The following SLC8A1 variants were observed in gnomAD, a reference collection of about 807,000 sequenced individuals.
SLC8A1 encodes the protein sodium/calcium exchanger 1.
A neutral mutation model predicts 68.3 loss-of-function variants in SLC8A1; 18 were observed. That is an observed-to-expected ratio of 0.26 (90% confidence interval 0.18 to 0.39). The LOEUF (loss-of-function observed/expected upper bound fraction) is 0.39, where lower values mean the gene tolerates loss of function less well. SLC8A1 is among the 10% of genes least tolerant of loss of function. SLC8A1 has a pLI of 1.00. For missense variants in SLC8A1, 985 were observed against 1,156.7 expected, an observed-to-expected ratio of 0.85 and a Z score of 2.15; for synonymous variants, 475 against 415.5, an observed-to-expected ratio of 1.14 and a Z score of -1.74.
intron 1 of SLC8A1, among the ~76,000 whole-genome samples, chr2:40,435,525 G>T (rs1016862498): frequency 6.6e-6 from 1 of 152,108 alleles, no homozygotes; most frequent in Non-Finnish European, 1.5e-5. Context: ...AAGGGGATGG[G>T]CTATGAGCGG....
chr2:40,455,032 C>CCGGAATTAAA (rs1702918219), upstream of SLC8A1, among the ~76,000 whole-genome samples: 1 of 152,198 alleles, frequency 6.6e-6, no homozygotes, highest in African/African-American at 2.4e-5. Flanking sequence ...AATTAAGAGT[C>CCGGAATTAAA]ACCGGGTCTC....
intron 1 of SLC8A1, among the ~76,000 whole-genome samples, chr2:40,498,308 G>T (rs1451621184): frequency 6.6e-6 from 1 of 152,038 alleles, no homozygotes; most frequent in African/African-American, 2.4e-5. Context: ...GTACCTGGCT[G>T]CTCCAAATTT....
intron 1 of SLC8A1, among the ~76,000 whole-genome samples, chr2:40,440,941 A>C (rs1459715678): frequency 6.6e-6 from 1 of 152,134 alleles, no homozygotes; most frequent in Non-Finnish European, 1.5e-5. Flanking sequence ...CATTCAGGCA[A>C]GAGAAAGAAA....
intron 1 of SLC8A1, among the ~76,000 whole-genome samples, chr2:40,472,892 T>A (rs926305876): frequency 6.6e-6 from 1 of 152,178 alleles, no homozygotes; most frequent in Admixed American, 6.5e-5. Flanking sequence ...CTGACTGTTA[T>A]TGTGGAGCTC....
At chr2:40,442,097 C>T (rs900724178) in intron 1 of SLC8A1, among the ~76,000 whole-genome samples, 5 of 148,016 alleles carry the variant, frequency 3.4e-5, no homozygotes, top group African/African-American at 1.2e-4. Flanking sequence ...ATACCTAATG[C>T]TAAATGACGA....
chr2:40,415,127 G>A (rs1693417059), intron 2 of SLC8A1, among the ~76,000 whole-genome samples: 1 of 152,168 alleles, frequency 6.6e-6, no homozygotes, highest in Non-Finnish European at 1.5e-5. Context: ...TAGTATAGTA[G>A]AAGTGCACCA....
At chr2:40,178,154 A>T (rs441196) in intron 2 of SLC8A1, among the ~76,000 whole-genome samples, 18,719 of 152,190 alleles carry the variant, frequency 0.12, 1,256 homozygotes, top group Middle Eastern at 0.2. Flanking sequence ...CCAGAAATGG[A>T]TGCTTGATTG....
chr2:40,416,053 T>TA (rs1488278491), intron 2 of SLC8A1, among the ~76,000 whole-genome samples: 3 of 114,006 alleles, frequency 2.6e-5, no homozygotes, highest in East Asian at 2.3e-4. Context: ...AGGCTCTGTT[T>TA]TAAAAAAAAA....
rs192706746 is a variant in SLC8A1 at position 40,407,475 on chromosome 2, G to A, written c.1808+20998C>T. Among the ~76,000 whole-genome samples, 3 of 152,166 alleles carry A rather than the reference G, an allele frequency of 2.0e-5. No individual in the cohort carries two copies. In the East Asian group the frequency reaches 5.8e-4, roughly 29 times the overall value. On this transcript the variant is annotated intron_variant, in intron 2 of 7. Coordinates refer to ENST00000406785, the Ensembl canonical transcript of SLC8A1. The stretch of plus-strand genomic sequence containing the variant: ...AACGTCAGTGGTTTCTTTTTTATTG[G>A]TAGTTTTCTGTCTTCCTGCCTTTTG...
chr2:40,154,309 T>G lies in SLC8A1; in HGVS notation c.2161+6456A>C, dbSNP rs1346067165. On this transcript the variant is annotated intron_variant, in intron 6 of 7. Coordinates refer to ENST00000406785, the Ensembl canonical transcript of SLC8A1. ...TTATTTTTATTTATTCTTTTTTTTT[T>G]TTTTTTTTTTTTGAGACGGAGTCTT... is the stretch of plus-strand genomic sequence containing the variant. Among the ~76,000 whole-genome samples, 4 of 126,794 alleles carry G rather than the reference T, an allele frequency of 3.2e-5. No individual in the cohort carries two copies. In the East Asian group the frequency reaches 8.6e-4, roughly 27 times the overall value. 83.2% of individuals were successfully genotyped at this position (126,794 alleles called of 152,430 possible).
intron 2 of SLC8A1, among the ~76,000 whole-genome samples, chr2:40,252,952 T>TAC (rs2063087878): frequency 8.5e-6 from 1 of 117,560 alleles, no homozygotes; most frequent in Non-Finnish European, 1.8e-5. Flanking sequence ...CATATATACA[T>TAC]ATGTGTGTAT....
intron 6 of SLC8A1, among the ~76,000 whole-genome samples, chr2:40,156,982 C>T (rs1373587501): frequency 6.6e-6 from 1 of 152,194 alleles, no homozygotes; most frequent in South Asian, 2.1e-4. Flanking sequence ...GGTACTGCCC[C>T]TTAACAGTTT....
chr2:40,358,347 A>C (rs1449258871), intron 2 of SLC8A1, among the ~76,000 whole-genome samples: 2 of 152,146 alleles, frequency 1.3e-5, no homozygotes, highest in African/African-American at 4.8e-5. Context: ...TTGTAGAAAC[A>C]TCTGCAGCCC....
At chr2:40,362,545 AATCATTAATAATAC>A (rs1412352113) in intron 2 of SLC8A1, among the ~76,000 whole-genome samples, 1 of 152,172 alleles carries the variant, frequency 6.6e-6, no homozygotes, top group Non-Finnish European at 1.5e-5. Flanking sequence ...CTTACCATTT[AATCATTAATAATAC>A]ACTATGTTAA....
chr2:40,389,974 C>T (rs1684775690), intron 2 of SLC8A1, among the ~76,000 whole-genome samples: 1 of 151,688 alleles, frequency 6.6e-6, no homozygotes, highest in Non-Finnish European at 1.5e-5. Context: ...TGGTATTCTA[C>T]CAACTAACAT....
intron 1 of SLC8A1, among the ~76,000 whole-genome samples, chr2:40,492,321 G>A (rs373933538): frequency 6.6e-6 from 1 of 151,896 alleles, no homozygotes; most frequent in African/African-American, 2.4e-5. Flanking sequence ...ATCCCTTCCT[G>A]ACACCTTATA....
chr2:40,204,805 A>G (rs2055075332), intron 2 of SLC8A1, among the ~76,000 whole-genome samples: 1 of 152,006 alleles, frequency 6.6e-6, no homozygotes, highest in South Asian at 2.1e-4. Flanking sequence ...TAAGATTTTT[A>G]TATTCTTTTT....
At chr2:40,316,735 C>G (rs2074500122) in intron 2 of SLC8A1, among the ~76,000 whole-genome samples, 1 of 151,952 alleles carries the variant, frequency 6.6e-6, no homozygotes, top group South Asian at 2.1e-4. Flanking sequence ...TATATCAGGG[C>G]CCTAACGTGG....
chr2:40,396,007 G>A (rs532744403), intron 2 of SLC8A1, among the ~76,000 whole-genome samples: 2 of 151,976 alleles, frequency 1.3e-5, no homozygotes, highest in African/African-American at 2.4e-5. Context: ...AAAAACACTT[G>A]GCTATGCATT....
Sources: gnomAD v4.1 joint callset for allele counts (sites outside exome capture counted in the v4.1 genomes callset) on GRCh38, gnomAD v4.1.1 for gene constraint, MANE v1.5 for transcripts, NCBI Gene and HGNC (gene_info 2026-07-23, HGNC 2026-07-21) for gene names.